The following CADM2 variants were observed in gnomAD, a reference collection of about 807,000 sequenced individuals.
CADM2 encodes the protein cell adhesion molecule 2, also known as immunoglobulin superfamily member 4D.
A neutral mutation model predicts 49.8 loss-of-function variants in CADM2; 12 were observed. The ratio of observed to expected loss-of-function variants is 0.24; its 90% CI spans 0.15 to 0.39. CADM2 has a LOEUF of 0.39. Among genes scored for constraint, CADM2 ranks in the 10% least tolerant of loss-of-function variants. CADM2 has a pLI of 1.00. For missense variants in CADM2, 378 were observed against 492.3 expected (o/e 0.77, Z 2.20); for synonymous variants, 214 against 175.4 (o/e 1.22, Z -1.74).
intron 6 of CADM2, among the ~76,000 whole-genome samples, chr3:85,915,571 T>C (rs190502182): frequency 6.6e-6 from 1 of 152,188 alleles, no homozygotes; most frequent in East Asian, 1.9e-4. Context: ...AGAATAATGA[T>C]AATAGCATCT....
At chr3:85,479,217 T>C (rs1203085444) in intron 1 of CADM2, among the ~76,000 whole-genome samples, 3 of 151,868 alleles carry the variant, frequency 2.0e-5, no homozygotes, top group African/African-American at 4.8e-5. Context: ...AGTACCAGGG[T>C]ACAATACAAT....
chr3:85,953,354 G>A (rs368191300), intron 7 of CADM2, among the ~76,000 whole-genome samples: 15 of 150,836 alleles, frequency 9.9e-5, no homozygotes, highest in African/African-American at 3.1e-4. Flanking sequence ...TTTGCCAATA[G>A]CAATTTTACT....
intron 1 of CADM2, among the ~76,000 whole-genome samples, chr3:85,342,356 T>C (rs1031049269): frequency 7.2e-5 from 11 of 152,080 alleles, no homozygotes; most frequent in Non-Finnish European, 1.3e-4. Flanking sequence ...TTTTACCATT[T>C]AGTAGGAAAA....
chr3:85,812,378 C>G (rs1303260047), intron 3 of CADM2, among the ~76,000 whole-genome samples: 1 of 151,682 alleles, frequency 6.6e-6, no homozygotes, highest in East Asian at 1.9e-4. Flanking sequence ...AACTATGTAC[C>G]ATTTGTCAAA....
At chr3:85,609,923 A>G (rs1488071636) in intron 1 of CADM2, among the ~76,000 whole-genome samples, 1 of 152,180 alleles carries the variant, frequency 6.6e-6, no homozygotes, top group Non-Finnish European at 1.5e-5. Context: ...CTTTGTGCGT[A>G]TGTGTTAGCA....
At chr3:85,709,401 T>C (rs2067046311) in intron 1 of CADM2, among the ~76,000 whole-genome samples, 1 of 152,150 alleles carries the variant, frequency 6.6e-6, no homozygotes, top group Non-Finnish European at 1.5e-5. Context: ...TACACTGTTG[T>C]TTGTGTGTTT....
At chr3:85,646,792 TTATAA>T (rs1326847534) in intron 1 of CADM2, among the ~76,000 whole-genome samples, 3 of 151,886 alleles carry the variant, frequency 2.0e-5, no homozygotes, top group Non-Finnish European at 4.4e-5. Flanking sequence ...AAATAAAATA[TTATAA>T]TATATTTTTA....
intron 1 of CADM2, among the ~76,000 whole-genome samples, chr3:85,709,999 G>A (rs941302860): frequency 3.9e-5 from 6 of 152,112 alleles, no homozygotes; most frequent in African/African-American, 1.2e-4. Context: ...TGTTACCTGA[G>A]TACTCTAGCA....
At chr3:85,340,906 T>C (rs1409739593) in intron 1 of CADM2, among the ~76,000 whole-genome samples, 1 of 151,728 alleles carries the variant, frequency 6.6e-6, no homozygotes, top group Non-Finnish European at 1.5e-5. Context: ...CTTCATTCCG[T>C]ATATACTCTT....
At chr3:85,653,309 T>C (rs2107588518) in intron 1 of CADM2, among the ~76,000 whole-genome samples, 1 of 145,852 alleles carries the variant, frequency 6.9e-6, no homozygotes, top group South Asian at 2.3e-4. Context: ...AATAAAAAGG[T>C]GATTGAAATA....
chr3:85,021,417 C>G (rs1185310296), intron 1 of CADM2, among the ~76,000 whole-genome samples: 1 of 152,072 alleles, frequency 6.6e-6, no homozygotes, highest in African/African-American at 2.4e-5. Context: ...CATTATCTAA[C>G]AAGCCTGGCT....
intron 3 of CADM2, among the ~76,000 whole-genome samples, chr3:85,855,111 T>C (rs2075257290): frequency 6.6e-6 from 1 of 152,100 alleles, no homozygotes. Flanking sequence ...ACAACATCCT[T>C]TCCTCCACTC....
chr3:85,684,463 A>G (rs2066142379), intron 1 of CADM2, among the ~76,000 whole-genome samples: 1 of 152,126 alleles, frequency 6.6e-6, no homozygotes, highest in East Asian at 1.9e-4. Flanking sequence ...AGAGAGAGAG[A>G]GAGGGAGAGA....
At chr3:84,983,683 C>T (rs144939684) in intron 1 of CADM2, among the ~76,000 whole-genome samples, 72 of 152,130 alleles carry the variant, frequency 4.7e-4, no homozygotes, top group South Asian at 2.7e-3. Flanking sequence ...TGACTAGACA[C>T]CTGCTAGGAT....
At chr3:85,031,879 T>C (rs975945333) in intron 1 of CADM2, among the ~76,000 whole-genome samples, 1 of 151,968 alleles carries the variant, frequency 6.6e-6, no homozygotes, top group Admixed American at 6.5e-5. Flanking sequence ...TTATCCCCTT[T>C]TGTACATTTC....
chr3:85,729,391 GTA>G (rs1483079972), intron 2 of CADM2, among the ~76,000 whole-genome samples: 10 of 152,168 alleles, frequency 6.6e-5, no homozygotes, highest in Non-Finnish European at 1.5e-4. Context: ...AGACAATTGT[GTA>G]CCTGCAACCA....
At chr3:85,711,596 T>G (rs2067120443) in intron 1 of CADM2, among the ~76,000 whole-genome samples, 1 of 152,146 alleles carries the variant, frequency 6.6e-6, no homozygotes, top group East Asian at 1.9e-4. Context: ...CTTTTCCAAT[T>G]TACATTCTAG....
chr3:85,802,768 T>C (rs1316428800), intron 3 of CADM2, among the ~76,000 whole-genome samples: 3 of 152,110 alleles, frequency 2.0e-5, no homozygotes, highest in Non-Finnish European at 4.4e-5. Context: ...GGATAATAGA[T>C]TTTGATTAAA....
At chr3:85,642,109 G>T (rs1359434644) in intron 1 of CADM2, among the ~76,000 whole-genome samples, 1 of 152,058 alleles carries the variant, frequency 6.6e-6, no homozygotes, top group Non-Finnish European at 1.5e-5. Flanking sequence ...CAGATATAAT[G>T]GGAGGCCATT....
Sources: allele counts gnomAD v4.1 joint callset (sites outside exome capture counted in the v4.1 genomes callset), GRCh38; gene constraint gnomAD v4.1.1; transcripts MANE v1.5; gene names NCBI Gene and HGNC (gene_info 2026-07-23, HGNC 2026-07-21).